Variants in ANK2 observed in about 807,000 individuals in gnomAD.
The protein encoded by ANK2 is ankyrin-2.
In ANK2, 83 loss-of-function variants were observed where a neutral mutation model predicts 360.5. The ratio of observed to expected loss-of-function variants is 0.23; its 90% CI spans 0.19 to 0.28. The LOEUF is 0.28. Ranked by LOEUF, ANK2 falls within the 10% of genes least tolerant of loss-of-function variation. ANK2 has a pLI of 1.00. For synonymous variants in ANK2, 1,740 were observed against 1,759.5 expected (o/e 0.99, Z 0.28); for missense variants, 4,201 against 4,795.7 (o/e 0.88, Z 3.66).
chr4:113,204,745 C>G (rs1050980069), intron 4 of ANK2, among the ~76,000 whole-genome samples: 1 of 152,034 alleles, frequency 6.6e-6, no homozygotes, highest in African/African-American at 2.4e-5. Flanking sequence ...TGTTGTACAC[C>G]TTCTACTTGA....
chr4:112,706,409 TAC>T, the ANK2 span, among the ~76,000 whole-genome samples: 2 of 151,902 alleles, frequency 1.3e-5, no homozygotes, highest in African/African-American at 2.4e-5. Context: ...CAGACACACA[TAC>T]AGACACACAC....
At position 112,992,729 on chromosome 4, in the gene ANK2, G is replaced by A. The variant is rs966157209; in HGVS notation, c.21+88215G>A. Among the ~76,000 whole-genome samples the A allele has an allele frequency of 2.6e-5, 4 of 152,150 alleles. 1 individual carries two copies. Among genetic ancestry groups the A allele is most frequent in the African/African-American group, 4.8e-5 (2 of 41,424 alleles). ...CTCATCAAGAGGGCTCCACCCTCATGATCTCCTCTAAACTTAATCACCTTT... is the reference window on the plus strand; with the variant it reads ...CTCATCAAGAGGGCTCCACCCTCATAATCTCCTCTAAACTTAATCACCTTT... On this transcript the variant is annotated intron_variant, in intron 2 of 30. Coordinates refer to the ANK2 transcript ENST00000503271.
chr4:113,035,716 G>A (rs2061443538), intron 2 of ANK2, among the ~76,000 whole-genome samples: 1 of 151,540 alleles, frequency 6.6e-6, no homozygotes, highest in South Asian at 2.1e-4. Context: ...AAACATGAAG[G>A]CAGGGAGATA....
the ANK2 span, among the ~76,000 whole-genome samples, chr4:112,783,936 A>C: frequency 1.3e-5 from 2 of 152,116 alleles, no homozygotes; most frequent in African/African-American, 4.8e-5. Flanking sequence ...GGCGTGAGCC[A>C]CCGCGCCTGG....
At chr4:112,926,260 A>C (rs28635168) in intron 2 of ANK2, among the ~76,000 whole-genome samples, 2,303 of 152,294 alleles carry the variant, frequency 0.015, 58 homozygotes, top group African/African-American at 0.052. Flanking sequence ...CAAAGAAGTA[A>C]GTTATCAGGC....
chr4:113,357,395 G>T lies in ANK2; in HGVS notation c.8777G>T (p.Ser2926Ile), dbSNP rs2095861720. 1 of 1,613,998 alleles carries T rather than the reference G, an allele frequency of 6.2e-7. No homozygotes were observed. Among genetic ancestry groups the T allele is most frequent in the Non-Finnish European group, 8.5e-7 (1 of 1,179,964 alleles). ...NDEIYDPQIT[S>I]PYENVPSQSF... is the part of the protein sequence containing the mutation. Reference sequence around the variant, plus strand: ...GAAATCTATGATCCACAAATCACTAGCCCTTATGAAAATGTCCCTTCCCAA... The same window carrying T: ...GAAATCTATGATCCACAAATCACTATCCCTTATGAAAATGTCCCTTCCCAA... Residue 2926 changes from serine (S) to isoleucine (I), a missense_variant, in exon 38 of 46, where the codon AGC (serine) becomes ATC (isoleucine). Ser to Ile is a moderately radical substitution (Grantham distance 142, BLOSUM62 -2). This residue lies in a region of ANK2 where 2,642 missense variants were observed against 2,714.5 expected (regional missense o/e 0.97). Coordinates refer to ENST00000357077, the MANE Select transcript of ANK2 (RefSeq NM_001148.6).
chr4:113,258,191 A>G (rs769925465), intron 12 of ANK2, 43 bp downstream of exon 12: 11 of 1,579,370 alleles, frequency 7.0e-6, no homozygotes, highest in Middle Eastern at 3.3e-4. Flanking sequence ...TCCTTCTCTT[A>G]CTCCTTCCTC....
the ANK2 span, among the ~76,000 whole-genome samples, chr4:112,747,027 C>T: frequency 3.9e-5 from 6 of 152,294 alleles, no homozygotes; most frequent in South Asian, 2.1e-4. Flanking sequence ...TGGTATCAGA[C>T]TCACAGCAGA....
chr4:113,054,816 T>G (rs1393884838), intron 1 of ANK2, among the ~76,000 whole-genome samples: 2 of 152,180 alleles, frequency 1.3e-5, no homozygotes, highest in Non-Finnish European at 2.9e-5. Context: ...TATAACCTGG[T>G]ATTCTGTGAT....
At chr4:112,882,833 A>C (rs2077079856) in intron 1 of ANK2, among the ~76,000 whole-genome samples, 1 of 151,966 alleles carries the variant, frequency 6.6e-6, no homozygotes, top group Admixed American at 6.6e-5. Context: ...ATTCCAAAAA[A>C]AGAAACACAC....
At chr4:113,293,177 C>A (rs2068765887) in intron 21 of ANK2, 1 of 602,160 alleles carries the variant, frequency 1.7e-6, no homozygotes. Context: ...TATTTGACAA[C>A]CTTAGGGTTA....
At chr4:112,966,454 T>G (rs2037289114) in intron 2 of ANK2, among the ~76,000 whole-genome samples, 1 of 151,884 alleles carries the variant, frequency 6.6e-6, no homozygotes, top group African/African-American at 2.4e-5. Context: ...TTCAAATGAG[T>G]AAGTGTGTGT....
At chr4:112,909,626 A>T (rs1424433580) in intron 2 of ANK2, among the ~76,000 whole-genome samples, 1 of 152,208 alleles carries the variant, frequency 6.6e-6, no homozygotes, top group Non-Finnish European at 1.5e-5. Flanking sequence ...AAAAGATGAA[A>T]ATGAAAACTC....
At chr4:113,012,412 G>GA (rs2055069834) in intron 2 of ANK2, among the ~76,000 whole-genome samples, 1 of 151,868 alleles carries the variant, frequency 6.6e-6, no homozygotes, top group Non-Finnish European at 1.5e-5. Flanking sequence ...AATGCGATAG[G>GA]TCTTTCCTTT....
At chr4:113,304,876 G>T (rs562387532) in intron 23 of ANK2, among the ~76,000 whole-genome samples, 22 of 151,924 alleles carry the variant, frequency 1.4e-4, no homozygotes, top group African/African-American at 4.8e-4. Flanking sequence ...AGTACACGTG[G>T]TACCACTTTA....
At chr4:112,857,770 G>C (rs1157233507) in intron 1 of ANK2, among the ~76,000 whole-genome samples, 1 of 152,154 alleles carries the variant, frequency 6.6e-6, no homozygotes, top group African/African-American at 2.4e-5. Context: ...TGGATACTAA[G>C]GGATCCAGTG....
At chr4:113,078,565 TTA>T (rs2081070053) in intron 1 of ANK2, among the ~76,000 whole-genome samples, 1 of 152,134 alleles carries the variant, frequency 6.6e-6, no homozygotes, top group South Asian at 2.1e-4. Flanking sequence ...TTATCACCAT[TTA>T]TATGTTTTGA....
rs368020337 is a variant in ANK2, at chr4:113,280,938, CTG to C, written c.1882-1731_1882-1730del. Reference sequence around the variant, plus strand: ...CTAAACTTATTTGGTCCACAAAAATCTGTGTGTCCTTTTTTTCAATAGAGTCT... The same window carrying C: ...CTAAACTTATTTGGTCCACAAAAATCTGTGTCCTTTTTTTCAATAGAGTCT... On this transcript the variant is annotated intron_variant, in intron 17 of 45. Coordinates refer to ENST00000357077, the MANE Select transcript of ANK2 (RefSeq NM_001148.6). Among the ~76,000 whole-genome samples, 635 of 152,298 alleles carry C rather than the reference CTG, an allele frequency of 4.2e-3. 5 individuals carry two copies. The highest frequency in any genetic ancestry group is 6.8e-3 in the Non-Finnish European group (461 of 68,010).
chr4:113,263,866 T>G (rs2054419476), intron 13 of ANK2, among the ~76,000 whole-genome samples: 1 of 152,212 alleles, frequency 6.6e-6, no homozygotes, highest in Admixed American at 6.5e-5. Flanking sequence ...TTTTAAAATA[T>G]GCTGATTTTT....
Sources: allele counts gnomAD v4.1 joint callset (sites outside exome capture counted in the v4.1 genomes callset), GRCh38; gene constraint gnomAD v4.1.1; regional missense constraint gnomAD v4.1.1; transcripts MANE v1.5; gene names NCBI Gene and HGNC (gene_info 2026-07-23, HGNC 2026-07-21).